GUCY1A2: variants seen among roughly 807,000 people sequenced by gnomAD.
The protein encoded by GUCY1A2 is guanylate cyclase 1 soluble subunit alpha 2.
A neutral mutation model predicts 63.5 loss-of-function variants in GUCY1A2; 27 were observed. The observed-to-expected ratio is 0.43, with a 90% CI of 0.31 to 0.59. GUCY1A2 has a LOEUF of 0.59. Among genes scored for constraint, GUCY1A2 ranks in the 20% least tolerant of loss-of-function variants. The pLI is 0.11. For missense variants in GUCY1A2, 768 were observed against 913.3 expected (o/e 0.84, Z 2.05); for synonymous variants, 364 against 343.5 (o/e 1.06, Z -0.66).
chr11:106,883,916 C>G (rs1859861857), intron 4 of GUCY1A2, among the ~76,000 whole-genome samples: 1 of 152,110 alleles, frequency 6.6e-6, no homozygotes, highest in Non-Finnish European at 1.5e-5. Context: ...TGGAAACCAT[C>G]ATTCTCAGCA....
intron 4 of GUCY1A2, among the ~76,000 whole-genome samples, chr11:106,898,117 G>A (rs185249861): frequency 6.6e-6 from 1 of 152,230 alleles, no homozygotes; most frequent in East Asian, 1.9e-4. Context: ...TATGGCATCA[G>A]GGAAAAATGC....
intron 4 of GUCY1A2, among the ~76,000 whole-genome samples, chr11:106,861,732 C>T (rs1476808099): frequency 6.6e-6 from 1 of 151,964 alleles, no homozygotes; most frequent in East Asian, 1.9e-4. Flanking sequence ...CTTGAACAAA[C>T]ATGCTATTAA....
At chr11:106,765,435 A>C (rs1864146306) in intron 6 of GUCY1A2, among the ~76,000 whole-genome samples, 1 of 152,116 alleles carries the variant, frequency 6.6e-6, no homozygotes, top group Admixed American at 6.6e-5. Context: ...TTGGTTCCAT[A>C]GGCTGTAATT....
rs1862442776 is a variant in GUCY1A2, at chr11:106,682,117, C to T, written c.*5432G>A. The T allele has an allele frequency of 4.8e-6, 1 of 208,390 alleles. No individual in the cohort carries two copies. The highest frequency in any genetic ancestry group is 9.5e-6 in the Non-Finnish European group (1 of 104,740). 12.9% of individuals were successfully genotyped at this position (208,390 alleles called of 1,614,324 possible). A position where few individuals can be genotyped will look rare whatever the true frequency, so the allele number is the denominator to read the frequency against. The stretch of plus-strand genomic sequence containing the variant: ...TAGTGAGCAATATTCATCCCTCATG[C>T]TTATCAGTGTTGACGTCTGTCTCTA... On this transcript the variant is annotated 3_prime_UTR_variant, in exon 8 of 8. Coordinates refer to ENST00000526355, the MANE Select transcript of GUCY1A2 (RefSeq NM_000855.3).
intron 1 of GUCY1A2, among the ~76,000 whole-genome samples, chr11:107,007,294 A>G (rs986437865): frequency 3.3e-5 from 5 of 152,236 alleles, no homozygotes; most frequent in Non-Finnish European, 7.3e-5. Flanking sequence ...GGGTAAACAA[A>G]TCAGCTACTC....
intron 7 of GUCY1A2, among the ~76,000 whole-genome samples, 159 bp from the exon 8 acceptor site, chr11:106,687,915 G>C (rs971539670): frequency 6.6e-6 from 1 of 151,976 alleles, no homozygotes; most frequent in Non-Finnish European, 1.5e-5. Context: ...CAAATGCTAG[G>C]AAATGTTATA....
At chr11:106,997,381 A>G (rs993652155) in intron 1 of GUCY1A2, among the ~76,000 whole-genome samples, 5 of 152,112 alleles carry the variant, frequency 3.3e-5, no homozygotes, top group Admixed American at 3.3e-4. Context: ...TGCCTCACCC[A>G]CAGAAGCCCA....
intron 4 of GUCY1A2, among the ~76,000 whole-genome samples, chr11:106,932,936 C>G (rs531725629): frequency 6.6e-6 from 1 of 152,028 alleles, no homozygotes; most frequent in African/African-American, 2.4e-5. Context: ...TGAAATGGGA[C>G]CCCTGCCTTT....
At chr11:106,816,589 G>C (rs1212556071) in intron 4 of GUCY1A2, among the ~76,000 whole-genome samples, 1 of 150,576 alleles carries the variant, frequency 6.6e-6, no homozygotes, top group Non-Finnish European at 1.5e-5. Flanking sequence ...GCAGAAGGGA[G>C]GAAACAAAAA....
At chr11:106,726,954 G>A (rs1274900423) in intron 6 of GUCY1A2, among the ~76,000 whole-genome samples, 1 of 152,118 alleles carries the variant, frequency 6.6e-6, no homozygotes, top group East Asian at 1.9e-4. Flanking sequence ...AAAAAGAGCT[G>A]GATGAATAAT....
chr11:106,735,346 G>T (rs1170773461), intron 6 of GUCY1A2, among the ~76,000 whole-genome samples: 1 of 151,978 alleles, frequency 6.6e-6, no homozygotes, highest in African/African-American at 2.4e-5. Flanking sequence ...ATCTCCATGA[G>T]TTCAACTGTT....
intron 3 of GUCY1A2, among the ~76,000 whole-genome samples, chr11:106,962,799 A>G (rs10890628): frequency 0.56 from 83,577 of 148,500 alleles, 23,908 homozygotes; most frequent in Non-Finnish European, 0.62. Context: ...TAAAATATAT[A>G]TACACATATA....
rs191514815 is a variant in GUCY1A2, at chr11:106,675,359, A to G, written c.*12190T>C. ...ATTTTTCTCCATGGACCATTATTCT[A>G]TTTGAACCTAACCTGAATTCCCTCA... On this transcript the variant is annotated 3_prime_UTR_variant, in exon 8 of 8. Coordinates refer to ENST00000526355, the MANE Select transcript of GUCY1A2 (RefSeq NM_000855.3). 1.0e-5 allele frequency: 2 copies of G among 194,958 alleles called. No individual in the cohort carries two copies. Among genetic ancestry groups the G allele is most frequent in the East Asian group, 1.6e-4 (2 of 12,622 alleles). The allele number at this position is 194,958 out of a possible 1,614,324, so 12.1% of individuals were successfully genotyped here.
rs1192356616 is a variant in GUCY1A2, at chr11:107,011,575, A to C, written c.303+6178T>G. Among the ~76,000 whole-genome samples the C allele has an allele frequency of 3.4e-5, 5 of 145,208 alleles. No homozygotes were observed. The South Asian group carries it at 1.0e-3, about 30-fold the overall frequency. On this transcript the variant is annotated intron_variant, in intron 1 of 7. Coordinates refer to ENST00000526355, the MANE Select transcript of GUCY1A2 (RefSeq NM_000855.3). ...ATATATTTATAATATATACACATAT[A>C]TATTTATAATATATAAATATATATC...
chr11:106,724,166 CACCAGGA>C, intron 6 of GUCY1A2, among the ~76,000 whole-genome samples: 1 of 152,274 alleles, frequency 6.6e-6, no homozygotes, highest in East Asian at 1.9e-4. Flanking sequence ...CAGAGATGTA[CACCAGGA>C]ACCAGTAACA....
At chr11:106,830,216 G>C (rs1859031612) in intron 4 of GUCY1A2, among the ~76,000 whole-genome samples, 1 of 152,184 alleles carries the variant, frequency 6.6e-6, no homozygotes, top group Non-Finnish European at 1.5e-5. Flanking sequence ...ATAGCACTTG[G>C]GTTGGGGATT....
intron 5 of GUCY1A2, among the ~76,000 whole-genome samples, chr11:106,786,784 A>C (rs1237130241): frequency 6.6e-6 from 1 of 152,174 alleles, no homozygotes; most frequent in Non-Finnish European, 1.5e-5. Context: ...GTTCCAATCA[A>C]AATGGGTAAC....
In GUCY1A2 at chr11:106,773,161, A is replaced by C. The variant is rs1864287249; in HGVS notation, c.1836+3278T>G. On this transcript the variant is annotated intron_variant, in intron 6 of 7. Coordinates refer to ENST00000526355, the MANE Select transcript of GUCY1A2 (RefSeq NM_000855.3). Reference sequence around the variant, plus strand: ...TATCTTTCCCTCAGAGATAAGCACCAGCTTGAATTTTGTGTTAATCATTCC... The same window carrying C: ...TATCTTTCCCTCAGAGATAAGCACCCGCTTGAATTTTGTGTTAATCATTCC... Among the ~76,000 whole-genome samples, 3 of 148,696 alleles carry C rather than the reference A, an allele frequency of 2.0e-5. No homozygotes were observed. The South Asian group carries it at 6.3e-4, about 31-fold the overall frequency.
At chr11:106,802,820 C>G (rs1045104463) in intron 5 of GUCY1A2, among the ~76,000 whole-genome samples, 2 of 152,078 alleles carry the variant, frequency 1.3e-5, no homozygotes, top group African/African-American at 2.4e-5. Flanking sequence ...CCTTCAAGAC[C>G]TCATCTAAAC....
Sources: gnomAD v4.1 joint callset for allele counts (sites outside exome capture counted in the v4.1 genomes callset) on GRCh38, gnomAD v4.1.1 for gene constraint, MANE v1.5 for transcripts, NCBI Gene and HGNC (gene_info 2026-07-23, HGNC 2026-07-21) for gene names.